Variants in MCPH1 observed in about 807,000 individuals in gnomAD.
MCPH1 encodes microcephalin 1, also known as microcephalin.
Under a neutral mutation model 84.5 loss-of-function variants are expected in MCPH1, and 104 were observed. That is an observed-to-expected ratio of 1.23 (90% CI 1.05 to 1.45). The LOEUF (loss-of-function observed/expected upper bound fraction) is 1.45. MCPH1 is among the 40% of genes most tolerant of loss of function. The probability of loss-of-function intolerance (pLI) is 0.00; values close to 1 mark genes in which losing one functional copy is unlikely to be tolerated. For synonymous variants in MCPH1, 514 were observed against 366.8 expected (o/e 1.40, Z -4.58); for missense variants, 1,498 against 1,005.7 (o/e 1.49, Z -6.62).
At chr8:6,448,193 A>G (rs1804665961) in intron 8 of MCPH1, among the ~76,000 whole-genome samples, 1 of 152,228 alleles carries the variant, frequency 6.6e-6, no homozygotes, top group African/African-American at 2.4e-5. Flanking sequence ...CATTGGATAG[A>G]TAAGGTGACC....
At chr8:6,593,954 A>T (rs745348767) in intron 12 of MCPH1, among the ~76,000 whole-genome samples, 2 of 152,260 alleles carry the variant, frequency 1.3e-5, no homozygotes, top group Non-Finnish European at 1.5e-5. Flanking sequence ...AGACAGAAGC[A>T]TGGATAGAAG....
Position 6,477,605 on chromosome 8 carries a change from A to G in MCPH1, c.1947A>G (p.Thr649=), listed in dbSNP as rs201183940. ...TTTGAAATCTCTAGCCAACAAGAAC[A>G]TTAGTCATGACAAGCATGCCATCTG... ...KSGRGKKPTR[T]LVMTSMPSEK... is the part of the protein sequence containing the mutation. Residue 649 remains threonine (T), a synonymous_variant, in exon 10 of 14, where the codon ACA becomes ACG. Coordinates refer to ENST00000344683, the MANE Select transcript of MCPH1 (RefSeq NM_024596.5). 6.2e-7 allele frequency: 1 copy of G among 1,613,190 alleles called. No homozygotes were observed. The highest frequency in any genetic ancestry group is 8.5e-7 in the Non-Finnish European group (1 of 1,179,470).
Position 6,491,699 on chromosome 8 carries a change from C to A in MCPH1, c.2137-8153C>A, listed in dbSNP as rs544126283. The stretch of plus-strand genomic sequence containing the variant: ...GTCCATGTCTTCTCATTGTTCAATT[C>A]CCACCTATGAGTGAGAACATGCGGT... On this transcript the variant is annotated intron_variant, in intron 11 of 13. Transcript: ENST00000344683. Among the ~76,000 whole-genome samples the A allele has an allele frequency of 2.2e-4, 33 of 151,962 alleles. No homozygotes were observed. In the East Asian group the frequency reaches 5.6e-3, roughly 26 times the overall value.
chr8:6,593,114 G>A (rs1306731513), intron 12 of MCPH1, among the ~76,000 whole-genome samples: 3 of 122,570 alleles, frequency 2.4e-5, no homozygotes, highest in African/African-American at 9.4e-5. Context: ...ACAGAGTTTC[G>A]CTCTTGTTGC....
At chr8:6,492,294 C>G (rs1177738348) in intron 11 of MCPH1, among the ~76,000 whole-genome samples, 4 of 152,170 alleles carry the variant, frequency 2.6e-5, no homozygotes, top group Non-Finnish European at 2.9e-5. Flanking sequence ...AGTGTCTGTT[C>G]ATATCCTTCG....
At position 6,524,039 on chromosome 8, in the gene MCPH1, G is replaced by T. The variant is rs1817878776; in HGVS notation, c.2214+24110G>T. 3.3e-5 allele frequency among the ~76,000 whole-genome samples: 5 copies of T among 152,156 alleles called. No homozygotes were observed. In the South Asian group the frequency reaches 1.0e-3, roughly 32 times the overall value. ...TCTTCATTTTGTTTGTACAAGGCCA[G>T]TAAATAAAGCTTTCAAAATATAGAC... On this transcript the variant is annotated intron_variant, in intron 12 of 13. Transcript: ENST00000344683.
chr8:6,559,432 T>G (rs758760477), intron 12 of MCPH1, among the ~76,000 whole-genome samples: 2 of 152,196 alleles, frequency 1.3e-5, no homozygotes, highest in Non-Finnish European at 2.9e-5. Flanking sequence ...GATACACTAT[T>G]ATTACTTTTA....
chr8:6,562,589 C>G, intron 12 of MCPH1: 1 of 150,304 alleles, frequency 6.7e-6, no homozygotes, highest in Non-Finnish European at 1.2e-5. Flanking sequence ...AAAACCTGAG[C>G]TGCTGCCAAG....
chr8:6,575,144 G>A (rs2442556), intron 12 of MCPH1, among the ~76,000 whole-genome samples: 149,040 of 152,264 alleles, frequency 0.98, 73,023 homozygotes, highest in Middle Eastern at 1. Context: ...CCTATTGCAT[G>A]TTTGGGTCTG....
chr8:6,431,309 G>C (rs1801798581), intron 3 of MCPH1, among the ~76,000 whole-genome samples, 190 bp from the exon 4 acceptor site: 2 of 152,148 alleles, frequency 1.3e-5, no homozygotes, highest in Admixed American at 1.3e-4. Flanking sequence ...TTAAATACCA[G>C]ATAGAGATGA....
At chr8:6,500,259 GAA>G (rs1318209262) in intron 12 of MCPH1, 7 of 325,272 alleles carry the variant, frequency 2.2e-5, no homozygotes, top group Middle Eastern at 1.1e-3. Flanking sequence ...ACTGTTAATA[GAA>G]ATAGAACTGA....
intron 9 of MCPH1, chr8:6,474,389 G>A: frequency 3.3e-6 from 1 of 306,812 alleles, no homozygotes; most frequent in Non-Finnish European, 6.1e-6. Flanking sequence ...CTGAACTCAG[G>A]GAGTCTGTGG....
intron 11 of MCPH1, among the ~76,000 whole-genome samples, chr8:6,488,890 G>T (rs1034848906): frequency 9.9e-5 from 15 of 152,036 alleles, no homozygotes; most frequent in African/African-American, 3.1e-4. Context: ...CTAGAGGGGG[G>T]GTTGATAGGT....
intron 2 of MCPH1, among the ~76,000 whole-genome samples, chr8:6,412,229 A>G (rs1031293813): frequency 7.2e-5 from 11 of 152,220 alleles, no homozygotes; most frequent in African/African-American, 2.7e-4. Flanking sequence ...ACTGGAATGT[A>G]GGAACCCGAG....
At chr8:6,571,768 G>GA (rs1214013146) in intron 12 of MCPH1, among the ~76,000 whole-genome samples, 3 of 152,080 alleles carry the variant, frequency 2.0e-5, no homozygotes, top group Admixed American at 6.5e-5. Context: ...GACTTAATAT[G>GA]AAAAAATCTT....
At chr8:6,609,079 C>T (rs535350916) in intron 12 of MCPH1, among the ~76,000 whole-genome samples, 5 of 152,308 alleles carry the variant, frequency 3.3e-5, no homozygotes, top group African/African-American at 9.6e-5. Context: ...GACCTGCTTT[C>T]GTGTTATTAT....
intron 12 of MCPH1, among the ~76,000 whole-genome samples, chr8:6,542,615 C>T (rs1821820876): frequency 1.3e-5 from 2 of 151,474 alleles, no homozygotes; most frequent in Admixed American, 6.6e-5. Context: ...AAAAAAAGTG[C>T]TGTCTGAGGA....
intron 12 of MCPH1, among the ~76,000 whole-genome samples, chr8:6,530,260 C>T (rs1055246780): frequency 7.2e-5 from 11 of 152,046 alleles, no homozygotes; most frequent in African/African-American, 1.9e-4. Flanking sequence ...GTGATCCCAG[C>T]AGTTTGGGAG....
intron 12 of MCPH1, among the ~76,000 whole-genome samples, chr8:6,595,395 A>C (rs1828841194): frequency 6.6e-6 from 1 of 152,172 alleles, no homozygotes. Flanking sequence ...TCCCATTGAG[A>C]AGGTGAATGA....
Sources: allele counts gnomAD v4.1 joint callset (sites outside exome capture counted in the v4.1 genomes callset), GRCh38; gene constraint gnomAD v4.1.1; transcripts MANE v1.5; gene names NCBI Gene and HGNC (gene_info 2026-07-23, HGNC 2026-07-21).